Variants in NCAM1 observed in about 807,000 individuals in gnomAD.
NCAM1 encodes neural cell adhesion molecule 1.
A neutral mutation model predicts 109.8 loss-of-function variants in NCAM1; 14 were observed. That is an observed-to-expected ratio of 0.13 (90% confidence interval 0.08 to 0.20). The LOEUF (loss-of-function observed/expected upper bound fraction) is 0.20, where lower values mean the gene tolerates loss of function less well. Ranked by LOEUF, NCAM1 falls within the 10% of genes least tolerant of loss-of-function variation. The probability of loss-of-function intolerance (pLI) is 1.00; values close to 1 mark genes in which losing one functional copy is unlikely to be tolerated. For synonymous variants in NCAM1, 418 were observed against 442.9 expected, an observed-to-expected ratio of 0.94 and a Z score of 0.70; for missense variants, 774 against 1,109.9, an observed-to-expected ratio of 0.70 and a Z score of 4.30.
At chr11:113,104,723 C>T (rs939712285) in intron 1 of NCAM1, among the ~76,000 whole-genome samples, 2 of 152,116 alleles carry the variant, frequency 1.3e-5, no homozygotes, top group Admixed American at 6.6e-5. Context: ...TTGAACCTGT[C>T]GCTTTGGAAT....
intron 14 of NCAM1, chr11:113,236,234 T>C: frequency 7.4e-7 from 1 of 1,352,722 alleles, no homozygotes; most frequent in Non-Finnish European, 1.0e-6. Context: ...TTACATCTTA[T>C]TTTTTTTTTC....
At chr11:113,111,949 T>G (rs1555093795) in intron 1 of NCAM1, among the ~76,000 whole-genome samples, 1 of 152,226 alleles carries the variant, frequency 6.6e-6, no homozygotes, top group African/African-American at 2.4e-5. Flanking sequence ...AGATCTTATT[T>G]TTAAGCTTTA....
At chr11:113,088,034 G>A (rs1939167468) in intron 1 of NCAM1, among the ~76,000 whole-genome samples, 1 of 152,222 alleles carries the variant, frequency 6.6e-6, no homozygotes, top group Non-Finnish European at 1.5e-5. Context: ...ACAAGTGGTA[G>A]CGTCATTCTA....
intron 1 of NCAM1, among the ~76,000 whole-genome samples, chr11:112,973,831 G>C (rs1950941328): frequency 6.6e-6 from 1 of 152,096 alleles, no homozygotes. Flanking sequence ...TGTTCTGAGA[G>C]TTCAGGATCA....
chr11:113,275,538 T>TA lies in NCAM1; in HGVS notation c.*159dup, dbSNP rs1187806289. The TA allele has an allele frequency of 1.3e-4, 127 of 955,802 alleles. No individual in the cohort carries two copies. Among genetic ancestry groups the TA allele is most frequent in the South Asian group, 2.7e-4 (13 of 47,800 alleles). The allele number at this position is 955,802 out of a possible 1,614,324, so 59.2% of individuals were successfully genotyped here. ...TCATTTCTCTAGTGTCTTTTGCCTTTAAAAAAAACTAAACAGATAAAACAT... is the reference window on the plus strand; with the variant it reads ...TCATTTCTCTAGTGTCTTTTGCCTTTAAAAAAAAACTAAACAGATAAAACAT... On this transcript the variant is annotated 3_prime_UTR_variant, in exon 20 of 20. Coordinates refer to ENST00000316851, the MANE Select transcript of NCAM1 (RefSeq NM_181351.5).
At chr11:113,250,062 G>C (rs1555120973) in intron 15 of NCAM1, among the ~76,000 whole-genome samples, 1 of 152,182 alleles carries the variant, frequency 6.6e-6, no homozygotes, top group South Asian at 2.1e-4. Context: ...AAAGATTCTG[G>C]TCACTCAGGC....
intron 1 of NCAM1, among the ~76,000 whole-genome samples, chr11:113,065,066 G>T (rs1158887319): frequency 6.6e-6 from 1 of 152,142 alleles, no homozygotes; most frequent in Non-Finnish European, 1.5e-5. Context: ...ATCTTGTAGT[G>T]CCTGAAATAA....
intron 1 of NCAM1, among the ~76,000 whole-genome samples, chr11:113,172,740 G>A (rs1209923047): frequency 3.9e-5 from 6 of 152,128 alleles, no homozygotes; most frequent in Non-Finnish European, 7.3e-5. Context: ...ATTTTGCCTT[G>A]GATCTTAGAA....
At chr11:113,081,634 A>C (rs1362727163) in intron 1 of NCAM1, among the ~76,000 whole-genome samples, 1 of 152,048 alleles carries the variant, frequency 6.6e-6, no homozygotes, top group South Asian at 2.1e-4. Context: ...TCTGGGTATA[A>C]GTGATTCTCC....
At chr11:112,978,199 A>G (rs1951057197) in intron 1 of NCAM1, among the ~76,000 whole-genome samples, 1 of 151,784 alleles carries the variant, frequency 6.6e-6, no homozygotes, top group Non-Finnish European at 1.5e-5. Context: ...AATATATGCC[A>G]TATTGGAAAT....
At chr11:113,152,853 T>A (rs1000732967) in intron 1 of NCAM1, among the ~76,000 whole-genome samples, 8 of 152,098 alleles carry the variant, frequency 5.3e-5, no homozygotes, top group African/African-American at 1.9e-4. Flanking sequence ...ATTTACTCAG[T>A]TATCTCATTG....
chr11:113,003,242 C>A lies in NCAM1; in HGVS notation c.52+41578C>A, dbSNP rs561160390. 3.3e-5 allele frequency among the ~76,000 whole-genome samples: 5 copies of A among 152,368 alleles called. No homozygotes were observed. The East Asian group carries it at 7.7e-4, about 23-fold the overall frequency. On this transcript the variant is annotated intron_variant, in intron 1 of 19. Transcript: ENST00000316851. ...TCTCTCACTCTGTGTGTTAGGGAAACATGTTCAAAGGTCTCTCCATATCAG... is the reference window on the plus strand; with the variant it reads ...TCTCTCACTCTGTGTGTTAGGGAAAAATGTTCAAAGGTCTCTCCATATCAG...
At chr11:113,018,185 A>T (rs976965872) in intron 1 of NCAM1, among the ~76,000 whole-genome samples, 23 of 152,154 alleles carry the variant, frequency 1.5e-4, no homozygotes, top group African/African-American at 4.8e-4. Flanking sequence ...ATTGTGGTAA[A>T]AAAAAAACAC....
intron 11 of NCAM1, 41 bp from the exon 12 acceptor site, chr11:113,232,677 C>A: frequency 6.8e-7 from 1 of 1,465,040 alleles, no homozygotes; most frequent in Non-Finnish European, 9.6e-7. Flanking sequence ...TGTGACCATC[C>A]CATAGGACAC....
chr11:113,246,340 T>C (rs782394742), intron 14 of NCAM1, 28 bp from the exon 15 acceptor site: 1 of 738,200 alleles, frequency 1.4e-6, no homozygotes, highest in South Asian at 1.4e-5. Context: ...TGCATGGTGC[T>C]GATGATGTCG....
At chr11:113,005,704 T>G (rs1408920998) in intron 1 of NCAM1, among the ~76,000 whole-genome samples, 2 of 152,218 alleles carry the variant, frequency 1.3e-5, no homozygotes, top group African/African-American at 2.4e-5. Flanking sequence ...TCTGCTCATT[T>G]TACAGACTTT....
chr11:113,101,137 C>T (rs1243841280), intron 1 of NCAM1, among the ~76,000 whole-genome samples: 2 of 152,056 alleles, frequency 1.3e-5, no homozygotes, highest in African/African-American at 2.4e-5. Context: ...AGGAAGTTTC[C>T]CTGGTTTGCC....
chr11:112,986,030 T>C (rs1359947309), intron 1 of NCAM1, among the ~76,000 whole-genome samples: 1 of 151,990 alleles, frequency 6.6e-6, no homozygotes, highest in East Asian at 1.9e-4. Context: ...AGGTTAAGTA[T>C]GGTGTTAGTT....
chr11:113,265,667 C>T (rs183048431), intron 17 of NCAM1, among the ~76,000 whole-genome samples: 197 of 152,286 alleles, frequency 1.3e-3, no homozygotes, highest in Non-Finnish European at 2.4e-3. Context: ...CTGAGACCAG[C>T]CATCTGTTTA....
Sources: gnomAD v4.1 joint callset for allele counts (sites outside exome capture counted in the v4.1 genomes callset) on GRCh38, gnomAD v4.1.1 for gene constraint, MANE v1.5 for transcripts, NCBI Gene and HGNC (gene_info 2026-07-23, HGNC 2026-07-21) for gene names.